BZW2: variants seen among roughly 807,000 people sequenced by gnomAD.
BZW2 encodes the protein basic leucine zipper and W2 domains 2, also known as eIF5-mimic protein 1.
In BZW2, 23 loss-of-function variants were observed where a neutral mutation model predicts 53.2. The ratio of observed to expected loss-of-function variants is 0.43; its 90% CI spans 0.31 to 0.61. The LOEUF (loss-of-function observed/expected upper bound fraction) is 0.61. BZW2 is among the 20% of genes least tolerant of loss of function. The probability of loss-of-function intolerance (pLI) is 0.09; values close to 1 mark genes in which losing one functional copy is unlikely to be tolerated. For synonymous variants in BZW2, 227 were observed against 186.4 expected (o/e 1.22, Z -1.77); for missense variants, 409 against 503.1 (o/e 0.81, Z 1.79).
intron 6 of BZW2, among the ~76,000 whole-genome samples, chr7:16,689,528 G>A (rs778095345): frequency 6.6e-6 from 1 of 152,072 alleles, no homozygotes; most frequent in Non-Finnish European, 1.5e-5. Context: ...TTTTGACCAA[G>A]GTAAAATAAA....
intron 2 of BZW2, among the ~76,000 whole-genome samples, chr7:16,674,074 ATTTTT>A (rs2128358392): frequency 6.6e-6 from 1 of 152,006 alleles, no homozygotes; most frequent in East Asian, 1.9e-4. Context: ...AATTTTTTAT[ATTTTT>A]AATAGAGACG....
Position 16,674,405 on chromosome 7 carries a change from A to T in BZW2, c.59-7A>T. The T allele has an allele frequency of 6.4e-7, 1 of 1,573,884 alleles. No individual in the cohort carries two copies. The highest frequency in any genetic ancestry group is 8.6e-7 in the Non-Finnish European group (1 of 1,158,900). On this transcript the variant is annotated splice_region_variant and splice_polypyrimidine_tract_variant and intron_variant, in intron 2 of 11. Transcript: ENST00000258761. Reference sequence around the variant, plus strand: ...TTTGACTGTTATTTTGAATTGTTTTATTTTAGATGAAAAAGAGAAATTCGA... The same window carrying T: ...TTTGACTGTTATTTTGAATTGTTTTTTTTTAGATGAAAAAGAGAAATTCGA...
intron 5 of BZW2, among the ~76,000 whole-genome samples, chr7:16,684,663 G>A (rs1190592698): frequency 6.6e-6 from 1 of 152,076 alleles, no homozygotes; most frequent in African/African-American, 2.4e-5. Context: ...CTATATTTAT[G>A]TTAGTTCTTT....
chr7:16,656,137 CTATA>C (rs1554264390), intron 1 of BZW2, among the ~76,000 whole-genome samples: 1 of 141,454 alleles, frequency 7.1e-6, no homozygotes, highest in African/African-American at 2.9e-5. Flanking sequence ...ATATAAATGA[CTATA>C]TATATATATA....
rs1783860819 is a variant in BZW2, at chr7:16,706,466, C to T, written c.*378C>T. The T allele has an allele frequency of 5.6e-6, 1 of 178,880 alleles. No homozygotes were observed. 11.1% of individuals were successfully genotyped at this position (178,880 alleles called of 1,614,324 possible). On this transcript the variant is annotated 3_prime_UTR_variant, in exon 12 of 12. Coordinates refer to ENST00000258761, the MANE Select transcript of BZW2 (RefSeq NM_014038.3). ...CCACTTTGGTAGTTGTGTATCTGCT[C>T]ATGTATGTGATTTGACAAACCAGTT...
At chr7:16,695,027 C>T (rs1205334008) in intron 8 of BZW2, 23 bp downstream of exon 8, 2 of 1,523,604 alleles carry the variant, frequency 1.3e-6, no homozygotes, top group Non-Finnish European at 1.8e-6. Flanking sequence ...GGGCAGACAT[C>T]ACCTCAATAC....
chr7:16,657,322 T>C (rs1469766925), intron 1 of BZW2, among the ~76,000 whole-genome samples: 1 of 152,234 alleles, frequency 6.6e-6, no homozygotes, highest in Non-Finnish European at 1.5e-5. Flanking sequence ...GATCACATCA[T>C]GTATATAGAA....
chr7:16,688,644 A>G (rs979255307), intron 6 of BZW2: 1 of 152,246 alleles, frequency 6.6e-6, no homozygotes, highest in Non-Finnish European at 1.5e-5. Flanking sequence ...GCTCATAACA[A>G]TAGTAGAACC....
chr7:16,681,557 A>G (rs1782946892), intron 4 of BZW2, among the ~76,000 whole-genome samples, 153 bp downstream of exon 4: 1 of 152,196 alleles, frequency 6.6e-6, no homozygotes, highest in Admixed American at 6.5e-5. Flanking sequence ...TAGGCCTAGC[A>G]GTGTGGCTCG....
intron 1 of BZW2, among the ~76,000 whole-genome samples, chr7:16,663,831 A>G (rs1782338610): frequency 6.6e-6 from 1 of 152,224 alleles, no homozygotes; most frequent in South Asian, 2.1e-4. Flanking sequence ...GTCAGCAAGC[A>G]TATTCTCAGT....
At position 16,685,870 on chromosome 7, in the gene BZW2, CTTTTTCTTTTTTTTT is replaced by C; in HGVS notation, c.406-29_406-15del. 1.4e-6 allele frequency: 2 copies of C among 1,426,618 alleles called. No individual in the cohort carries two copies. The highest frequency in any genetic ancestry group is 2.8e-5 in the South Asian group (2 of 71,156). 88.4% of individuals were successfully genotyped at this position (1,426,618 alleles called of 1,614,324 possible). ...ACATGGTTCCTTTTTTTTTCTTTTT[CTTTTTCTTTTTTTTT>C]TTTTTTTTTTGACCCACAGCTTCTC... On this transcript the variant is annotated intron_variant, in intron 5 of 11. Transcript: ENST00000258761.
chr7:16,665,972 G>C (rs1171087358), intron 2 of BZW2, among the ~76,000 whole-genome samples: 1 of 152,184 alleles, frequency 6.6e-6, no homozygotes, highest in African/African-American at 2.4e-5. Flanking sequence ...ATATTTTCAA[G>C]TGTCTTCAAT....
chr7:16,650,144 T>G (rs940443521), intron 1 of BZW2, among the ~76,000 whole-genome samples: 4 of 152,246 alleles, frequency 2.6e-5, no homozygotes, highest in African/African-American at 9.6e-5. Context: ...AGAACTGTCT[T>G]GTGAACAATG....
At chr7:16,675,126 A>G (rs1275737627) in intron 3 of BZW2, among the ~76,000 whole-genome samples, 2 of 152,222 alleles carry the variant, frequency 1.3e-5, no homozygotes, top group Non-Finnish European at 2.9e-5. Flanking sequence ...CAGAGGCATC[A>G]GGAAAGTAGG....
At chr7:16,692,948 G>A (rs1783359861) in intron 7 of BZW2, among the ~76,000 whole-genome samples, 1 of 152,198 alleles carries the variant, frequency 6.6e-6, no homozygotes, top group East Asian at 1.9e-4. Context: ...ATGGGAAATG[G>A]GAAGGCCTTG....
At chr7:16,663,823 C>G (rs941453516) in intron 1 of BZW2, among the ~76,000 whole-genome samples, 1 of 152,136 alleles carries the variant, frequency 6.6e-6, no homozygotes, top group Non-Finnish European at 1.5e-5. Flanking sequence ...ATATTTAAGT[C>G]AGCAAGCATA....
intron 1 of BZW2, among the ~76,000 whole-genome samples, chr7:16,663,128 A>G (rs752136453): frequency 1.3e-5 from 2 of 152,178 alleles, no homozygotes; most frequent in African/African-American, 4.8e-5. Context: ...TAGAAGCTCT[A>G]TTTTCAACAT....
At chr7:16,674,813 G>A (rs1471373025) in intron 3 of BZW2, among the ~76,000 whole-genome samples, 1 of 152,104 alleles carries the variant, frequency 6.6e-6, no homozygotes, top group African/African-American at 2.4e-5. Flanking sequence ...TTTGGTTGAC[G>A]TTACAACAAA....
chr7:16,684,444 A>G (rs186750837), intron 5 of BZW2, among the ~76,000 whole-genome samples: 130 of 152,354 alleles, frequency 8.5e-4, no homozygotes, highest in Non-Finnish European at 1.6e-3. Flanking sequence ...GTTGATTAAT[A>G]TAATTGAGCA....
Sources: gnomAD v4.1 joint callset for allele counts (sites outside exome capture counted in the v4.1 genomes callset) on GRCh38, gnomAD v4.1.1 for gene constraint, MANE v1.5 for transcripts, NCBI Gene and HGNC (gene_info 2026-07-23, HGNC 2026-07-21) for gene names.